Variants in WDR44 observed in about 807,000 individuals in gnomAD.
WDR44 encodes WD repeat-containing protein 44.
In WDR44, 9 loss-of-function variants were observed where a neutral mutation model predicts 65.7. The observed-to-expected ratio is 0.14, with a 90% CI of 0.08 to 0.24. WDR44 has a LOEUF of 0.24. WDR44 is among the 10% of genes least tolerant of loss of function. The probability of loss-of-function intolerance (pLI) is 1.00; values close to 1 mark genes in which losing one functional copy is unlikely to be tolerated. For missense variants in WDR44, 425 were observed against 670.9 expected (o/e 0.63, Z 4.05); for synonymous variants, 220 against 235.2 (o/e 0.94, Z 0.59).
At chrX:118,447,875 A>AAAATATATATATATATATATATAT (rs1305596887) in intron 19 of WDR44, among the ~76,000 whole-genome samples, 1 of 54,809 alleles carries the variant, frequency 1.8e-5, no homozygotes, top group African/African-American at 6.5e-5. Context: ...CTCTATCTAA[A>AAAATATATATATATATATATATAT]ATATATATAT....
At chrX:118,446,764 T>G (rs1161521584) in intron 19 of WDR44, among the ~76,000 whole-genome samples, 1 of 112,353 alleles carries the variant, frequency 8.9e-6, no homozygotes, top group Non-Finnish European at 1.9e-5. Context: ...ACTAAATGCC[T>G]GTTTAACTGC....
intron 1 of WDR44, among the ~76,000 whole-genome samples, chrX:118,363,663 G>A (rs942038299): frequency 9.0e-6 from 1 of 111,061 alleles, no homozygotes; most frequent in African/African-American, 3.3e-5. Flanking sequence ...TCATAATTAC[G>A]TGTACACATT....
intron 12 of WDR44, among the ~76,000 whole-genome samples, chrX:118,429,050 C>T (rs925807286): frequency 2.7e-5 from 3 of 110,210 alleles, no homozygotes; most frequent in Non-Finnish European, 5.7e-5. Flanking sequence ...TGGGGCCTGT[C>T]AGGGGGATGG....
intron 7 of WDR44, 32 bp downstream of exon 7, chrX:118,397,138 A>G: frequency 4.6e-6 from 5 of 1,095,746 alleles, no homozygotes; most frequent in Non-Finnish European, 6.0e-6. Context: ...TGTCATTTCT[A>G]GTATTTCAGA....
chrX:118,440,042 C>T (rs1182059670), intron 14 of WDR44, among the ~76,000 whole-genome samples: 1 of 105,043 alleles, frequency 9.5e-6, no homozygotes, highest in East Asian at 3.0e-4. Flanking sequence ...ATTACTTGAG[C>T]CCAGGAGGTC....
chrX:118,448,133 TAG>T (rs1476658059), intron 19 of WDR44, among the ~76,000 whole-genome samples: 3 of 109,983 alleles, frequency 2.7e-5, no homozygotes, highest in African/African-American at 9.9e-5. Flanking sequence ...TTCAAAGGCT[TAG>T]GATATGTTTT....
intron 12 of WDR44, among the ~76,000 whole-genome samples, chrX:118,415,851 A>G (rs918704189): frequency 1.8e-5 from 2 of 111,217 alleles, no homozygotes; most frequent in East Asian, 2.8e-4. Flanking sequence ...TACCATTTCA[A>G]TCTCGCTGCT....
At chrX:118,398,555 C>T (rs2056885868) in intron 8 of WDR44, 85 bp downstream of exon 8, 3 of 804,721 alleles carry the variant, frequency 3.7e-6, no homozygotes, top group African/African-American at 4.1e-5. Context: ...AAATCATGCT[C>T]CATGTAGTTT....
At chrX:118,361,138 A>C (rs1022368360) in intron 1 of WDR44, among the ~76,000 whole-genome samples, 1 of 112,109 alleles carries the variant, frequency 8.9e-6, no homozygotes, top group Non-Finnish European at 1.9e-5. Flanking sequence ...AAAAGTCTGA[A>C]AATAATGGTA....
intron 1 of WDR44, among the ~76,000 whole-genome samples, chrX:118,370,320 C>T: frequency 9.0e-6 from 1 of 111,094 alleles, no homozygotes; most frequent in Middle Eastern, 4.6e-3. Context: ...GGAGGTAGGC[C>T]TAGTGGGAGG....
intron 12 of WDR44, among the ~76,000 whole-genome samples, chrX:118,421,294 T>C (rs2057103437): frequency 8.9e-6 from 1 of 112,316 alleles, no homozygotes; most frequent in Non-Finnish European, 1.9e-5. Context: ...GATCCTCAGC[T>C]ACATCCATCT....
Position 118,393,073 on chromosome X carries a change from G to T in WDR44, c.628G>T (p.Ala210Ser). 8.3e-7 allele frequency: 1 copy of T among 1,211,591 alleles called. No homozygotes were observed. Among genetic ancestry groups the T allele is most frequent in the Non-Finnish European group, 1.1e-6 (1 of 895,463 alleles). ...TKDFAAVEEV[A>S]PAKPPRHLTP... is the part of the protein sequence containing the mutation. ...AGATTTTGCCGCTGTGGAAGAAGTG[G>T]CCCCTGCCAAACCCCCAAGACACCT... Residue 210 changes from alanine (A) to serine (S), a missense_variant, in exon 4 of 20, where the codon GCC becomes TCC. Ala to Ser is a moderately conservative substitution (Grantham distance 99). Transcript: ENST00000254029.
intron 2 of WDR44, 114 bp downstream of exon 2, chrX:118,378,566 G>A (rs2056682656): frequency 1.9e-5 from 13 of 678,018 alleles, no homozygotes; most frequent in Non-Finnish European, 2.9e-5. Flanking sequence ...TTTTTGCTCA[G>A]TAATGTAGTC....
intron 12 of WDR44, among the ~76,000 whole-genome samples, chrX:118,420,929 C>CA (rs772058093): frequency 1.8e-5 from 2 of 112,215 alleles, no homozygotes; most frequent in Non-Finnish European, 3.8e-5. Context: ...TGATTGAAGG[C>CA]AAAGAACTGT....
chrX:118,443,708 G>A (rs373179374), intron 18 of WDR44, 21 bp downstream of exon 18: 22 of 1,183,385 alleles, frequency 1.9e-5, no homozygotes, highest in Non-Finnish European at 2.4e-5. Flanking sequence ...ACTTGCTTTT[G>A]TGTGTCTTAT....
intron 13 of WDR44, among the ~76,000 whole-genome samples, chrX:118,433,558 A>G (rs2057229102): frequency 1.8e-5 from 2 of 111,744 alleles, no homozygotes; most frequent in Non-Finnish European, 3.8e-5. Flanking sequence ...CCCTTACATT[A>G]TGTGACCTTG....
chrX:118,418,864 G>C (rs762939360), intron 12 of WDR44, among the ~76,000 whole-genome samples: 71 of 110,809 alleles, frequency 6.4e-4, no homozygotes, highest in African/African-American at 2.1e-3. Flanking sequence ...TGCTGAGGCT[G>C]CTGTGGGGGA....
At chrX:118,352,352 A>ATATATATATATT (rs1357425730) in intron 1 of WDR44, among the ~76,000 whole-genome samples, 4 of 14,224 alleles carry the variant, frequency 2.8e-4, no homozygotes, top group African/African-American at 1.1e-3. Flanking sequence ...ATATATATAT[A>ATATATATATATT]TTTTTTTTTT....
chrX:118,438,415 CT>C, intron 14 of WDR44, among the ~76,000 whole-genome samples: 1 of 50,367 alleles, frequency 2.0e-5, no homozygotes, highest in South Asian at 7.9e-4. Flanking sequence ...CTTTCTCTTT[CT>C]TTTCTTTTCT....
Sources: gnomAD v4.1 joint callset for allele counts (sites outside exome capture counted in the v4.1 genomes callset) on GRCh38, gnomAD v4.1.1 for gene constraint, MANE v1.5 for transcripts, NCBI Gene and HGNC (gene_info 2026-07-23, HGNC 2026-07-21) for gene names.